Variants in MCF2 observed in about 807,000 individuals in gnomAD.
MCF2 encodes proto-oncogene DBL.
In MCF2, 44 loss-of-function variants were observed where a neutral mutation model predicts 82.5. The ratio of observed to expected loss-of-function variants is 0.53; its 90% CI spans 0.42 to 0.69. The LOEUF is 0.69. Ranked by LOEUF, MCF2 falls within the 30% of genes least tolerant of loss-of-function variation. MCF2 has a pLI of 0.00. For synonymous variants in MCF2, 217 were observed against 224.9 expected (o/e 0.96, Z 0.32); for missense variants, 623 against 663.1 (o/e 0.94, Z 0.66).
intron 24 of MCF2, among the ~76,000 whole-genome samples, chrX:139,584,291 A>T (rs763781359): frequency 9.2e-4 from 101 of 109,988 alleles, no homozygotes; most frequent in African/African-American, 3.1e-3. Flanking sequence ...ATGCGCCACC[A>T]CAACCGCCTA....
chrX:139,618,279 AACTC>A (rs1293282844), intron 7 of MCF2, among the ~76,000 whole-genome samples: 3 of 110,488 alleles, frequency 2.7e-5, no homozygotes, highest in African/African-American at 9.8e-5. Context: ...AAATAAATAA[AACTC>A]AAACACAGAA....
At chrX:139,603,784 G>A (rs1052521446) in intron 15 of MCF2, among the ~76,000 whole-genome samples, 11 of 110,668 alleles carry the variant, frequency 9.9e-5, no homozygotes, top group African/African-American at 3.6e-4. Flanking sequence ...GCAGTGAGCC[G>A]AGATCACACC....
At chrX:139,595,821 G>A (rs1930037460) in intron 19 of MCF2, among the ~76,000 whole-genome samples, 1 of 111,216 alleles carries the variant, frequency 9.0e-6, no homozygotes, top group Non-Finnish European at 1.9e-5. Context: ...TGTCAATTAT[G>A]GGTCTCATGT....
chrX:139,629,721 G>A (rs1267860187), exon 4 of MCF2: 15 of 1,205,242 alleles, frequency 1.2e-5, no homozygotes, highest in South Asian at 1.8e-5. Context: ...CTTTCAGCAC[G>A]AATTGCCAGA....
chrX:139,681,817 A>G (rs1167360268), intron 1 of MCF2, among the ~76,000 whole-genome samples: 2 of 112,281 alleles, frequency 1.8e-5, no homozygotes, highest in African/African-American at 3.2e-5. Context: ...TGATATATCT[A>G]TATTCATAGA....
chrX:139,703,793 A>C (rs1935543833), intron 1 of MCF2, among the ~76,000 whole-genome samples: 1 of 111,916 alleles, frequency 8.9e-6, no homozygotes, highest in African/African-American at 3.2e-5. Flanking sequence ...AAAATGGGGA[A>C]GGATATTTCA....
chrX:139,625,980 T>C (rs1203276908), intron 6 of MCF2, among the ~76,000 whole-genome samples: 1 of 111,785 alleles, frequency 8.9e-6, no homozygotes, highest in African/African-American at 3.3e-5. Context: ...AGTTTGATAC[T>C]TTCTCAAAGG....
intron 1 of MCF2, among the ~76,000 whole-genome samples, chrX:139,696,655 C>T (rs1935392010): frequency 9.0e-6 from 1 of 111,546 alleles, no homozygotes. Context: ...TCCCCAACTC[C>T]TGTCCTCAAG....
chrX:139,652,878 TA>T (rs371230484), intron 1 of MCF2, among the ~76,000 whole-genome samples: 4 of 106,237 alleles, frequency 3.8e-5, no homozygotes, highest in South Asian at 4.2e-4. Context: ...TCAAGGGAAT[TA>T]AAAAAAAAAG....
intron 19 of MCF2, among the ~76,000 whole-genome samples, chrX:139,595,566 G>A (rs1603276764): frequency 1.2e-5 from 1 of 83,701 alleles, no homozygotes; most frequent in South Asian, 7.9e-4. Context: ...ATCACACTCC[G>A]GGGACTGTTG....
chrX:139,653,118 G>A (rs762338294), intron 1 of MCF2, among the ~76,000 whole-genome samples: 4 of 111,381 alleles, frequency 3.6e-5, no homozygotes, highest in Non-Finnish European at 3.8e-5. Flanking sequence ...ATTTACACTC[G>A]CAGTTATTCT....
At chrX:139,618,578 T>C (rs1211804586) in intron 7 of MCF2, among the ~76,000 whole-genome samples, 1 of 111,515 alleles carries the variant, frequency 9.0e-6, no homozygotes, top group Non-Finnish European at 1.9e-5. Flanking sequence ...CTTTCTACTA[T>C]ACCATAGGGC....
At chrX:139,699,463 C>T (rs771382087) in intron 1 of MCF2, among the ~76,000 whole-genome samples, 7 of 112,042 alleles carry the variant, frequency 6.2e-5, no homozygotes, top group Non-Finnish European at 1.1e-4. Flanking sequence ...AACATCTCAT[C>T]GTCCCCAAAA....
At chrX:139,620,055 A>C (rs1311320679) in intron 6 of MCF2, among the ~76,000 whole-genome samples, 1 of 107,663 alleles carries the variant, frequency 9.3e-6, no homozygotes, top group Admixed American at 1.0e-4. Context: ...TATCTAAAAC[A>C]AAATCTTACC....
chrX:139,629,864 A>G lies in MCF2; in HGVS notation c.289-20T>C. Reference sequence around the variant, plus strand: ...TATAGCCTGCAAAGAGCCGGTGATTACTTTAATTATATGGTCACTCTGTGA... The same window carrying G: ...TATAGCCTGCAAAGAGCCGGTGATTGCTTTAATTATATGGTCACTCTGTGA... On this transcript the variant is annotated intron_variant, in intron 3 of 24. Transcript: ENST00000370576. 8.4e-7 allele frequency: 1 copy of G among 1,189,934 alleles called. No homozygotes were observed. The highest frequency in any genetic ancestry group is 3.0e-5 in the East Asian group (1 of 33,649).
intron 1 of MCF2, among the ~76,000 whole-genome samples, chrX:139,689,174 G>A (rs1160969252): frequency 8.9e-6 from 1 of 112,116 alleles, no homozygotes; most frequent in Non-Finnish European, 1.9e-5. Context: ...TATCCACTGA[G>A]AGCCAGCTTA....
At chrX:139,672,308 C>T (rs144050688) in intron 1 of MCF2, among the ~76,000 whole-genome samples, 1 of 112,406 alleles carries the variant, frequency 8.9e-6, no homozygotes, top group Non-Finnish European at 1.9e-5. Flanking sequence ...CGCTTTATTT[C>T]TTTCTCTTGC....
At chrX:139,651,772 G>A in exon 2 of MCF2, 5 of 1,153,112 alleles carry the variant, frequency 4.3e-6, no homozygotes, top group Non-Finnish European at 5.8e-6. Context: ...CCTTTATACG[G>A]AGGAGCAGAT....
chrX:139,617,855 A>AG (rs1932041866), intron 7 of MCF2, 151 bp from the exon 11 acceptor site: 2 of 321,054 alleles, frequency 6.2e-6, no homozygotes, highest in Admixed American at 1.2e-4. Flanking sequence ...GGCTGCAAAA[A>AG]AAAAAACACA....
Sources: allele counts gnomAD v4.1 joint callset (sites outside exome capture counted in the v4.1 genomes callset), GRCh38; gene constraint gnomAD v4.1.1; transcripts MANE v1.5; gene names NCBI Gene and HGNC (gene_info 2026-07-23, HGNC 2026-07-21).